The following TTN variants were observed in gnomAD, a reference collection of about 807,000 sequenced individuals.
TTN encodes connectin.
In TTN, 1,525 loss-of-function variants were observed where a neutral mutation model predicts 3,223.0. The observed-to-expected ratio is 0.47, with a 90% CI of 0.45 to 0.49. The LOEUF is 0.49. Ranked by LOEUF, TTN falls within the 20% of genes least tolerant of loss-of-function variation. The probability of loss-of-function intolerance (pLI) is 0.00; values close to 1 mark genes in which losing one functional copy is unlikely to be tolerated. For missense variants in TTN, 40,786 were observed against 43,424.0 expected, an observed-to-expected ratio of 0.94 and a Z score of 5.40; for synonymous variants, 14,094 against 15,161.0, an observed-to-expected ratio of 0.93 and a Z score of 5.17.
intron 112 of TTN, 110 bp downstream of exon 112, chr2:178,698,733 C>G (rs2074180793): frequency 1.0e-6 from 1 of 988,374 alleles, no homozygotes; most frequent in African/African-American, 1.7e-5. Flanking sequence ...GGGAGAGGTA[C>G]CATTTTGTGA....
intron 10 of TTN, 119 bp from the exon 11 acceptor site, chr2:178,790,964 T>G (rs1305049398): frequency 2.0e-5 from 26 of 1,298,386 alleles, no homozygotes; most frequent in Non-Finnish European, 2.8e-5. Context: ...AAATGTCAGA[T>G]TTCCATTTCA....
rs2066015312 is a variant in TTN at position 178,666,829 on chromosome 2, G to A, written c.35870C>T (p.Pro11957Leu). ...GACTTTCTTCCAACTTGTACCTGTT[G>A]GTGATGGTGTTTTTCTTCTTTTAAC... is the stretch of plus-strand genomic sequence containing the variant. ...PIVKRRKTPS[P>L]TVPESPREIV... The change falls in exon 163 of 363, where the codon CCA becomes CTA. Residue 11957 changes from proline (P) to leucine (L), a missense_variant. Transcript: ENST00000589042. 1 of 1,564,370 alleles carries A rather than the reference G, an allele frequency of 6.4e-7. No individual in the cohort carries two copies. Among genetic ancestry groups the A allele is most frequent in the Middle Eastern group, 1.7e-4 (1 of 6,022 alleles).
At chr2:178,806,690 T>C (rs1173898971) in intron 1 of TTN, among the ~76,000 whole-genome samples, 4 of 152,198 alleles carry the variant, frequency 2.6e-5, no homozygotes, top group African/African-American at 7.2e-5. Context: ...TAAAATGTCA[T>C]GCTCTTAAAA....
At chr2:178,706,384 T>C in intron 102 of TTN, 70 bp downstream of exon 102, 1 of 1,474,304 alleles carries the variant, frequency 6.8e-7, no homozygotes, top group South Asian at 1.4e-5. Context: ...CTGGGGCTGG[T>C]TGACTGTGGA....
chr2:178,646,354 C>G (rs2062001070), intron 216 of TTN, 131 bp downstream of exon 216: 1 of 546,176 alleles, frequency 1.8e-6, no homozygotes, highest in Admixed American at 3.5e-5. Context: ...GAATGAGGCT[C>G]ACATTTACAA....
rs1456621451 is a variant in TTN, at chr2:178,553,778, T to C, written c.89227A>G (p.Ile29743Val). The change falls in exon 334 of 363, where the codon ATC becomes GTC. Residue 29743 changes from isoleucine (I) to valine (V), a missense_variant. By Grantham distance (29) the Ile-to-Val change is conservative. Coordinates refer to ENST00000589042, the MANE Select transcript of TTN (RefSeq NM_001267550.2). ...DPPGPPAKIR[I>V]ADSTKSSITL... Reference sequence around the variant, plus strand: ...ATGGATGACTTGGTTGAATCTGCGATTCTTATCTTAGCAGGTGGACCTGGA... The same window carrying C: ...ATGGATGACTTGGTTGAATCTGCGACTCTTATCTTAGCAGGTGGACCTGGA... 1 of 1,604,582 alleles carries C rather than the reference T, an allele frequency of 6.2e-7. No homozygotes were observed. The highest frequency in any genetic ancestry group is 8.5e-7 in the Non-Finnish European group (1 of 1,174,174).
Position 178,735,645 on chromosome 2 carries a change from T to C in TTN, c.14801A>G (p.Tyr4934Cys). Reference sequence around the variant, plus strand: ...TATTTTATCTTCAAAACAGATCTTATAATCTTTCCCTGGGGGGAGTTTTTG... The same window carrying C: ...TATTTTATCTTCAAAACAGATCTTACAATCTTTCCCTGGGGGGAGTTTTTG... ...DGQKLPPGKDYKICFEDKIAT... is the reference protein window; with the variant it reads ...DGQKLPPGKDCKICFEDKIAT... Residue 4934 changes from tyrosine (Y) to cysteine (C), a missense_variant, in exon 50 of 363, where the codon TAT (tyrosine) becomes TGT (cysteine). By Grantham distance (194) the Tyr-to-Cys change is radical (BLOSUM62 -2). Coordinates refer to ENST00000589042, the MANE Select transcript of TTN (RefSeq NM_001267550.2). 1.9e-6 allele frequency: 3 copies of C among 1,613,812 alleles called. No homozygotes were observed. Among genetic ancestry groups the C allele is most frequent in the African/African-American group, 1.3e-5 (1 of 75,066 alleles).
chr2:178,679,266 T>C (rs2068778784), intron 142 of TTN, 73 bp downstream of exon 142: 2 of 1,494,014 alleles, frequency 1.3e-6, no homozygotes, highest in Admixed American at 3.5e-5. Context: ...GGGAAAGATC[T>C]GCTATGGCTC....
In TTN at chr2:178,587,161, G is replaced by A; in HGVS notation, c.64050C>T (p.Val21350=). 1 of 1,613,244 alleles carries A rather than the reference G, an allele frequency of 6.2e-7. No homozygotes were observed. The highest frequency in any genetic ancestry group is 8.5e-7 in the Non-Finnish European group (1 of 1,179,428). Reference sequence around the variant, plus strand: ...GCACTGGTTTTGGGACATCTGTTGGGACGCCAGGGCCATATTCGTTGACAG... The same window carrying A: ...GCACTGGTTTTGGGACATCTGTTGGAACGCCAGGGCCATATTCGTTGACAG... The part of the protein sequence containing the change: ...VTAVNEYGPG[V]PTDVPKPVLA... The change falls in exon 307 of 363, where the codon GTC becomes GTT. Residue 21350 remains valine (V), a synonymous_variant. Transcript: ENST00000589042.
chr2:178,664,492 G>A lies in TTN; in HGVS notation c.36248C>T (p.Pro12083Leu). The A allele has an allele frequency of 1.9e-6, 3 of 1,612,298 alleles. No individual in the cohort carries two copies. The highest frequency in any genetic ancestry group is 2.5e-6 in the Non-Finnish European group (3 of 1,179,492). ...REVVPEKKVH[P>L]PQRAEVVPVK... ...AGGTACAACTTCAGCCCTTTGGGGAGGATGCACTTTCTTTTCCGGGACAAC... is the reference window on the plus strand; with the variant it reads ...AGGTACAACTTCAGCCCTTTGGGGAAGATGCACTTTCTTTTCCGGGACAAC... Residue 12083 changes from proline (P) to leucine (L), a missense_variant, in exon 168 of 363, where the codon CCT becomes CTT. Transcript: ENST00000589042.
Position 178,535,855 on chromosome 2 carries a change from T to G in TTN, c.100766-6A>C. 6.7e-7 allele frequency: 1 copy of G among 1,484,132 alleles called. No homozygotes were observed. Among genetic ancestry groups the G allele is most frequent in the Non-Finnish European group, 8.9e-7 (1 of 1,119,088 alleles). The allele number at this position is 1,484,132 out of a possible 1,614,324, so 91.9% of individuals were successfully genotyped here. A position where few individuals can be genotyped will look rare whatever the true frequency, so the allele number is the denominator to read the frequency against. The stretch of plus-strand genomic sequence containing the variant: ...TAAGTGTATCTTAGCTGGAACTGTA[T>G]CAGAAAAAAAAAAAAAAAGAATATA... On this transcript the variant is annotated splice_region_variant and splice_polypyrimidine_tract_variant and intron_variant, in intron 357 of 362. Coordinates refer to ENST00000589042, the MANE Select transcript of TTN (RefSeq NM_001267550.2).
rs768050676 is a variant in TTN, at chr2:178,800,706, CA to C, written c.296-25del. 5 of 1,595,360 alleles carry C rather than the reference CA, an allele frequency of 3.1e-6. No homozygotes were observed. In the African/African-American group the frequency reaches 6.7e-5, roughly 21 times the overall value. On this transcript the variant is annotated intron_variant, in intron 3 of 362. Coordinates refer to ENST00000589042, the MANE Select transcript of TTN (RefSeq NM_001267550.2). ...AGCTGCGGGGACAAGAGAACAAAGTCAAGAGTGAGAGCCAGGGTGCTCCCTA... is the reference window on the plus strand; with the variant it reads ...AGCTGCGGGGACAAGAGAACAAAGTCAGAGTGAGAGCCAGGGTGCTCCCTA...
Position 178,601,922 on chromosome 2 carries a change from A to G in TTN, c.55270-8T>C, listed in dbSNP as rs770659997. ...TATGTCATGAACTCCATCCTATTAG[A>G]AAAGGAGACAGTCAGTTGTAGTATA... On this transcript the variant is annotated splice_polypyrimidine_tract_variant and splice_region_variant and intron_variant, in intron 284 of 362. Transcript: ENST00000589042. The G allele has an allele frequency of 1.2e-6, 2 of 1,612,566 alleles. No homozygotes were observed. The highest frequency in any genetic ancestry group is 1.7e-6 in the Non-Finnish European group (2 of 1,179,186).
At chr2:178,791,251 A>T (rs1379928379) in intron 10 of TTN, among the ~76,000 whole-genome samples, 1 of 152,150 alleles carries the variant, frequency 6.6e-6, no homozygotes, top group Non-Finnish European at 1.5e-5. Flanking sequence ...TGTCTCACTC[A>T]CAGTAAGGAG....
In TTN at chr2:178,602,360, T is replaced by C; in HGVS notation, c.55042A>G (p.Arg18348Gly). 1 of 1,612,948 alleles carries C rather than the reference T, an allele frequency of 6.2e-7. No individual in the cohort carries two copies. The highest frequency in any genetic ancestry group is 8.5e-7 in the Non-Finnish European group (1 of 1,179,308). The change falls in exon 283 of 363, where the codon AGA (arginine) becomes GGA (glycine). Residue 18348 changes from arginine to glycine, a missense_variant. Coordinates refer to ENST00000589042, the MANE Select transcript of TTN (RefSeq NM_001267550.2). ...NLKELRKYRF[R>G]VKAVNEAGES... ...CCAGCTTCATTGACAGCTTTCACTC[T>C]GAATCTGTACTTCCTGAGCTCTTTC...
At position 178,552,180 on chromosome 2, in the gene TTN, A is replaced by G. The variant is rs1553539339; in HGVS notation, c.90720T>C (p.Asp30240=). The G allele has an allele frequency of 6.2e-7, 1 of 1,613,840 alleles. No individual in the cohort carries two copies. The highest frequency in any genetic ancestry group is 8.5e-7 in the Non-Finnish European group (1 of 1,179,796). ...GTACATCCCATGACAGGATGACACT[A>G]TCAGCCTTGATTTCATCAAATCGAA... ...GPIRFDEIKA[D]SVILSWDVPE... is the part of the protein sequence containing the mutation. The change falls in exon 335 of 363, where the codon GAT becomes GAC. Residue 30240 remains aspartate, a synonymous_variant. Coordinates refer to ENST00000589042, the MANE Select transcript of TTN (RefSeq NM_001267550.2).
rs767611128 is a variant in TTN, at chr2:178,554,607, C to A, written c.88740G>T (p.Val29580=). 6 of 1,613,738 alleles carry A rather than the reference C, an allele frequency of 3.7e-6. No individual in the cohort carries two copies. The African/African-American group carries it at 8.0e-5, about 22-fold the overall frequency. Residue 29580 remains valine (V), a synonymous_variant, in exon 332 of 363, where the codon GTG becomes GTT. Transcript: ENST00000589042. The part of the protein sequence containing the change: ...IVEKRETSRV[V]WSMVSEHLEE... ...CCAAATGTTCAGACACCATAGACCA[C>A]ACAACGCGGCTTGTCTCACGCTTTT... is the stretch of plus-strand genomic sequence containing the variant.
In TTN at chr2:178,597,227, A is replaced by G. The variant is rs531749520; in HGVS notation, c.57544+311T>C. On this transcript the variant is annotated intron_variant, in intron 294 of 362. Transcript: ENST00000589042. ...GGGCCATGATTCAGAATACATATTC[A>G]TGGCCTTCTAGCAATTTGAGAATTG... Among the ~76,000 whole-genome samples the G allele has an allele frequency of 7.9e-4, 121 of 152,234 alleles. 1 individual carries two copies. The South Asian group carries it at 0.011, about 13-fold the overall frequency.
Position 178,589,557 on chromosome 2 carries a change from A to G in TTN, c.62168T>C (p.Ile20723Thr), listed in dbSNP as rs779251870. 6.2e-7 allele frequency: 1 copy of G among 1,613,040 alleles called. No individual in the cohort carries two copies. Residue 20723 changes from isoleucine (I) to threonine (T), a missense_variant, in exon 304 of 363, where the codon ATT (isoleucine) becomes ACT (threonine). Physicochemically the swap from Ile to Thr is moderately conservative, Grantham distance 89. Transcript: ENST00000589042. ...DDWERVHKGS[I>T]KETHYMVDRC... ...GTCAACCATGTAGTGAGTTTCTTTA[A>G]TGCTTCCTTTATGCACTCTTTCCCA...
Sources: gnomAD v4.1 joint callset for allele counts (sites outside exome capture counted in the v4.1 genomes callset) on GRCh38, gnomAD v4.1.1 for gene constraint, MANE v1.5 for transcripts, NCBI Gene and HGNC (gene_info 2026-07-23, HGNC 2026-07-21) for gene names.